The following SYNE2 variants were observed in gnomAD, a reference collection of about 807,000 sequenced individuals.
The protein encoded by SYNE2 is nesprin-2.
A neutral mutation model predicts 856.3 loss-of-function variants in SYNE2; 431 were observed. The observed-to-expected ratio is 0.50, with a 90% CI of 0.47 to 0.55. The LOEUF is 0.55. Ranked by LOEUF, SYNE2 falls within the 20% of genes least tolerant of loss-of-function variation. The pLI is 0.00. For missense variants in SYNE2, 8,129 were observed against 8,023.2 expected, an observed-to-expected ratio of 1.01 and a Z score of -0.50; for synonymous variants, 2,923 against 2,872.3, an observed-to-expected ratio of 1.02 and a Z score of -0.56.
intron 1 of SYNE2, among the ~76,000 whole-genome samples, chr14:63,773,070 G>A (rs771550191): frequency 7.4e-5 from 11 of 149,594 alleles, no homozygotes; most frequent in South Asian, 2.1e-4. Context: ...GAGCCACTGC[G>A]CCCAGCCTAT....
rs369034820 is a variant in SYNE2, at chr14:64,021,440, C to T, written c.5277C>T (p.Thr1759=). 1 of 1,614,114 alleles carries T rather than the reference C, an allele frequency of 6.2e-7. No individual in the cohort carries two copies. Among genetic ancestry groups the T allele is most frequent in the South Asian group, 1.1e-5 (1 of 91,080 alleles). ...ELREDLDQAK[T]QIGMTESLLK... ...GGGAGGATCTCGACCAAGCCAAGAC[C>T]CAGATCGGGATGACTGAATCCCTCT... is the stretch of plus-strand genomic sequence containing the variant. The change falls in exon 36 of 116, where the codon ACC becomes ACT. Residue 1759 remains threonine (T), a synonymous_variant. Transcript: ENST00000555002.
chr14:63,912,655 A>C (rs2095486452), intron 2 of SYNE2, among the ~76,000 whole-genome samples: 1 of 152,224 alleles, frequency 6.6e-6, no homozygotes, highest in Non-Finnish European at 1.5e-5. Context: ...GCAAAAACTT[A>C]ATCTAAGGTG....
At chr14:63,963,269 G>C (rs1300112378) in intron 9 of SYNE2, among the ~76,000 whole-genome samples, 1 of 152,128 alleles carries the variant, frequency 6.6e-6, no homozygotes, top group African/African-American at 2.4e-5. Context: ...AGATTCAACT[G>C]TCCATGAAAT....
At chr14:64,156,619 C>T (rs2098288416) in intron 85 of SYNE2, among the ~76,000 whole-genome samples, 1 of 151,534 alleles carries the variant, frequency 6.6e-6, no homozygotes, top group South Asian at 2.1e-4. Flanking sequence ...CCACCACTCC[C>T]GGCTAATTTT....
At chr14:63,775,756 T>G (rs1887086358) in intron 1 of SYNE2, among the ~76,000 whole-genome samples, 1 of 151,594 alleles carries the variant, frequency 6.6e-6, no homozygotes, top group African/African-American at 2.4e-5. Flanking sequence ...TAATTTTGTT[T>G]GTTTGTTTGT....
At chr14:64,153,492 A>G (rs943244047) in intron 85 of SYNE2, among the ~76,000 whole-genome samples, 1 of 152,162 alleles carries the variant, frequency 6.6e-6, no homozygotes, top group African/African-American at 2.4e-5. Context: ...TCTACTTTCA[A>G]CCATTTGTAC....
intron 1 of SYNE2, among the ~76,000 whole-genome samples, chr14:63,833,818 A>G (rs1889753030): frequency 6.6e-6 from 1 of 152,128 alleles, no homozygotes; most frequent in African/African-American, 2.4e-5. Flanking sequence ...TACTCCTTTC[A>G]TTGTAATGCT....
At chr14:63,838,786 G>A (rs1889947179) in intron 1 of SYNE2, among the ~76,000 whole-genome samples, 1 of 152,118 alleles carries the variant, frequency 6.6e-6, no homozygotes, top group Non-Finnish European at 1.5e-5. Context: ...TGGGATTACA[G>A]GTGTGAGCCA....
chr14:63,956,701 A>AG, intron 8 of SYNE2, among the ~76,000 whole-genome samples: 1 of 152,288 alleles, frequency 6.6e-6, no homozygotes, highest in Non-Finnish European at 1.5e-5. Context: ...GAAAAAAAAA[A>AG]GCATTTGTCC....
intron 30 of SYNE2, among the ~76,000 whole-genome samples, chr14:64,004,299 G>T (rs2096778637): frequency 6.6e-6 from 1 of 151,174 alleles, no homozygotes; most frequent in Non-Finnish European, 1.5e-5. Context: ...CTCCTAAAGT[G>T]CTGGGATTAC....
chr14:64,201,694 G>T (rs144490647), intron 99 of SYNE2, among the ~76,000 whole-genome samples: 171 of 152,320 alleles, frequency 1.1e-3, no homozygotes, highest in African/African-American at 3.9e-3. Flanking sequence ...AGGTTGTTCG[G>T]TCAAGTAAGA....
At chr14:64,042,987 G>A (rs1447153297) in intron 45 of SYNE2, among the ~76,000 whole-genome samples, 2 of 152,192 alleles carry the variant, frequency 1.3e-5, no homozygotes, top group African/African-American at 4.8e-5. Flanking sequence ...CTTGTTGAAT[G>A]GCTTTGACCA....
intron 34 of SYNE2, among the ~76,000 whole-genome samples, chr14:64,018,723 G>T (rs1270912065): frequency 6.6e-6 from 1 of 152,130 alleles, no homozygotes; most frequent in Non-Finnish European, 1.5e-5. Flanking sequence ...TCAGCTCTCC[G>T]GCTATAGTTA....
chr14:64,078,497 C>T lies in SYNE2; in HGVS notation c.11054C>T (p.Ser3685Leu). The T allele has an allele frequency of 6.2e-7, 1 of 1,614,114 alleles. No homozygotes were observed. Among genetic ancestry groups the T allele is most frequent in the Non-Finnish European group, 8.5e-7 (1 of 1,180,002 alleles). Residue 3685 changes from serine (S) to leucine (L), a missense_variant, in exon 55 of 116, where the codon TCA (serine) becomes TTA (leucine). This residue lies in a region of SYNE2 where 5,410 missense variants were observed against 5,284.8 expected (regional missense o/e 1.02). Transcript: ENST00000555002. ...ISNEVLKSSP[S>L]YAMRRKIEEI... ...AATGAAGTCTTAAAAAGCTCACCAT[C>T]ATATGCAATGAGGAGAAAAATAGAA... is the stretch of plus-strand genomic sequence containing the variant.
chr14:64,074,215 C>G, intron 53 of SYNE2, 79 bp downstream of exon 53: 1 of 1,456,346 alleles, frequency 6.9e-7, no homozygotes, highest in Middle Eastern at 1.7e-4. Flanking sequence ...GTAGAGATAA[C>G]TCAGTGGCTG....
In SYNE2 at chr14:64,028,411, A is replaced by G. The variant is rs1443030417; in HGVS notation, c.6714+618A>G. ...GCTAGGACTACAGGCATGCGCCACT[A>G]CACCCAGCTAATTTTTTTATTTTTG... On this transcript the variant is annotated intron_variant, in intron 43 of 115. Transcript: ENST00000555002. Among the ~76,000 whole-genome samples the G allele has an allele frequency of 2.0e-5, 3 of 151,954 alleles. No homozygotes were observed. In the East Asian group the frequency reaches 5.8e-4, roughly 29 times the overall value.
At chr14:64,200,542 T>C (rs965257128) in intron 99 of SYNE2, among the ~76,000 whole-genome samples, 5 of 152,198 alleles carry the variant, frequency 3.3e-5, no homozygotes, top group African/African-American at 1.2e-4. Flanking sequence ...GAGGAGGGTG[T>C]ACCTCTGAAG....
intron 1 of SYNE2, among the ~76,000 whole-genome samples, chr14:63,876,504 T>C (rs1422346522): frequency 6.6e-6 from 1 of 151,732 alleles, no homozygotes; most frequent in African/African-American, 2.4e-5. Flanking sequence ...CTTTTTTTTT[T>C]TGAGACCGAG....
At chr14:63,872,061 G>T (rs1017502103) in intron 1 of SYNE2, among the ~76,000 whole-genome samples, 1 of 152,114 alleles carries the variant, frequency 6.6e-6, no homozygotes, top group East Asian at 1.9e-4. Context: ...TTGACAGCTG[G>T]TAGTGTGTGG....
Sources: gnomAD v4.1 joint callset for allele counts (sites outside exome capture counted in the v4.1 genomes callset) on GRCh38, gnomAD v4.1.1 for gene constraint, gnomAD v4.1.1 regional missense constraint, MANE v1.5 for transcripts, NCBI Gene and HGNC (gene_info 2026-07-23, HGNC 2026-07-21) for gene names.